RHBDL2: variants seen among roughly 807,000 people sequenced by gnomAD.
RHBDL2 encodes the protein rhomboid like 2.
RHBDL2 carries 26 observed loss-of-function variants against 31.7 expected under a neutral mutation model. The ratio of observed to expected loss-of-function variants is 0.82; its 90% CI spans 0.60 to 1.14. The LOEUF is 1.14. Ranked by LOEUF, RHBDL2 falls within the 50% of genes most tolerant of loss-of-function variation. The pLI is 0.00. For synonymous variants in RHBDL2, 123 were observed against 127.2 expected (o/e 0.97, Z 0.22); for missense variants, 336 against 364.4 (o/e 0.92, Z 0.63).
At chr1:38,920,732 G>C (rs985706907) in intron 1 of RHBDL2, among the ~76,000 whole-genome samples, 1 of 149,016 alleles carries the variant, frequency 6.7e-6, no homozygotes, top group African/African-American at 2.5e-5. Flanking sequence ...TCAACCTCCT[G>C]AGTAGCTGGG....
chr1:38,923,650 A>G (rs1643341286), intron 1 of RHBDL2, among the ~76,000 whole-genome samples: 1 of 152,202 alleles, frequency 6.6e-6, no homozygotes, highest in South Asian at 2.1e-4. Flanking sequence ...GGAGTCTCAA[A>G]ACAAAATAAT....
chr1:38,888,941 A>G (rs1255147604), intron 6 of RHBDL2, among the ~76,000 whole-genome samples: 1 of 152,116 alleles, frequency 6.6e-6, no homozygotes, highest in Non-Finnish European at 1.5e-5. Flanking sequence ...GTGATTCTGG[A>G]CTAGAGTTAG....
At chr1:38,930,151 G>A (rs903819381) in intron 1 of RHBDL2, among the ~76,000 whole-genome samples, 1 of 152,110 alleles carries the variant, frequency 6.6e-6, no homozygotes, top group Non-Finnish European at 1.5e-5. Context: ...CTATGGTTCA[G>A]GGTAGGGGGA....
Position 38,886,331 on chromosome 1 carries a change from C to A in RHBDL2, c.*173G>T. 2.5e-6 allele frequency: 1 copy of A among 404,952 alleles called. No homozygotes were observed. The highest frequency in any genetic ancestry group is 9.6e-5 in the South Asian group (1 of 10,470). The allele number at this position is 404,952 out of a possible 1,614,324, so 25.1% of individuals were successfully genotyped here. On this transcript the variant is annotated 3_prime_UTR_variant, in exon 8 of 8. Transcript: ENST00000372990. Reference sequence around the variant, plus strand: ...ACATTAAGAAGCCCCTTCCTTAAATCCTAAGGTCCTTTTATAGGCAATCTT... The same window carrying A: ...ACATTAAGAAGCCCCTTCCTTAAATACTAAGGTCCTTTTATAGGCAATCTT...
intron 1 of RHBDL2, among the ~76,000 whole-genome samples, chr1:38,936,095 G>T (rs1557625427): frequency 6.6e-6 from 1 of 151,916 alleles, no homozygotes; most frequent in Non-Finnish European, 1.5e-5. Flanking sequence ...TAGAGACGAG[G>T]TCTTGTCACA....
intron 2 of RHBDL2, among the ~76,000 whole-genome samples, chr1:38,915,967 T>C (rs1643230300): frequency 6.6e-6 from 1 of 152,246 alleles, no homozygotes; most frequent in South Asian, 2.1e-4. Flanking sequence ...TGCCCTGCTC[T>C]TGGACACCCT....
At chr1:38,896,552 AATT>A (rs1279452375) in intron 4 of RHBDL2, among the ~76,000 whole-genome samples, 1 of 152,338 alleles carries the variant, frequency 6.6e-6, no homozygotes, top group Admixed American at 6.5e-5. Context: ...CAAAAACTGC[AATT>A]ATTTTTGCAT....
chr1:38,923,155 A>G (rs1643335838), intron 1 of RHBDL2, among the ~76,000 whole-genome samples: 1 of 152,188 alleles, frequency 6.6e-6, no homozygotes, highest in South Asian at 2.1e-4. Context: ...AATGGGTGCA[A>G]TGTATGAGGT....
At chr1:38,903,572 A>G (rs539580116) in intron 4 of RHBDL2, among the ~76,000 whole-genome samples, 1 of 152,338 alleles carries the variant, frequency 6.6e-6, no homozygotes, top group South Asian at 2.1e-4. Context: ...AGGAATTTTG[A>G]AAGACCTAAA....
intron 1 of RHBDL2, among the ~76,000 whole-genome samples, chr1:38,925,456 G>A (rs1337733613): frequency 6.6e-6 from 1 of 151,880 alleles, no homozygotes; most frequent in East Asian, 1.9e-4. Context: ...GGCGGAGGTT[G>A]CAGTGAGCTG....
chr1:38,930,192 G>C (rs1269519880), intron 1 of RHBDL2, among the ~76,000 whole-genome samples: 3 of 152,094 alleles, frequency 2.0e-5, no homozygotes, highest in African/African-American at 7.2e-5. Flanking sequence ...AGGGCCTCTC[G>C]GCGGAATAAT....
chr1:38,915,502 G>T (rs934275089), intron 3 of RHBDL2, 60 bp downstream of exon 3: 18 of 1,546,266 alleles, frequency 1.2e-5, no homozygotes, highest in Admixed American at 1.8e-5. Flanking sequence ...CTCAACAAAT[G>T]TTAGAGGTTA....
At chr1:38,936,823 G>A (rs1422785818) in intron 1 of RHBDL2, among the ~76,000 whole-genome samples, 6 of 151,546 alleles carry the variant, frequency 4.0e-5, no homozygotes, top group African/African-American at 7.3e-5. Context: ...TAGTAGAGAC[G>A]AGGTTTCACC....
intron 3 of RHBDL2, among the ~76,000 whole-genome samples, chr1:38,911,863 A>T (rs1013330281): frequency 3.3e-5 from 5 of 151,650 alleles, no homozygotes; most frequent in African/African-American, 4.8e-5. Flanking sequence ...CTGGAGTGCA[A>T]TGGCATGATC....
intron 4 of RHBDL2, among the ~76,000 whole-genome samples, chr1:38,898,560 C>A (rs557992105): frequency 2.0e-5 from 3 of 152,150 alleles, no homozygotes; most frequent in African/African-American, 7.2e-5. Flanking sequence ...ACCAGTAAAC[C>A]CTTAGAGACA....
Position 38,919,114 on chromosome 1 carries a change from A to G in RHBDL2, c.99T>C (p.Asp33=), listed in dbSNP as rs1336592096. ...TCTTGGCCCGATCTTTACCTCCCCC[A>G]TCCTCTCTCATTTTCTCCTCTTCCT... ...ELEEEEKMRE[D]GGGKDRAKSK... is the part of the protein sequence containing the mutation. Residue 33 remains aspartate, a synonymous_variant, in exon 2 of 8, where the codon GAT becomes GAC. Transcript: ENST00000372990. The G allele has an allele frequency of 1.2e-6, 2 of 1,613,480 alleles. No homozygotes were observed. Among genetic ancestry groups the G allele is most frequent in the Non-Finnish European group, 1.7e-6 (2 of 1,179,912 alleles).
chr1:38,920,277 C>T (rs1398923040), intron 1 of RHBDL2, among the ~76,000 whole-genome samples: 2 of 146,866 alleles, frequency 1.4e-5, no homozygotes, highest in Non-Finnish European at 3.0e-5. Flanking sequence ...AAGCGATTCT[C>T]CTGCCTCAGC....
At chr1:38,931,636 G>C (rs142828825) in intron 1 of RHBDL2, among the ~76,000 whole-genome samples, 2 of 151,814 alleles carry the variant, frequency 1.3e-5, no homozygotes, top group African/African-American at 4.8e-5. Flanking sequence ...TATGTGATGT[G>C]TGCATCCAGT....
chr1:38,911,529 A>G, intron 3 of RHBDL2, 95 bp from the exon 4 acceptor site: 1 of 796,352 alleles, frequency 1.3e-6, no homozygotes, highest in East Asian at 2.5e-5. Flanking sequence ...TTCTCTAGTT[A>G]AGGATTTGCT....
Sources: gnomAD v4.1 joint callset for allele counts (sites outside exome capture counted in the v4.1 genomes callset) on GRCh38, gnomAD v4.1.1 for gene constraint, MANE v1.5 for transcripts, NCBI Gene and HGNC (gene_info 2026-07-23, HGNC 2026-07-21) for gene names.